The following ZBTB16 variants were observed in gnomAD, a reference collection of about 807,000 sequenced individuals.
The protein encoded by ZBTB16 is zinc finger and BTB domain-containing protein 16.
ZBTB16 carries 8 observed loss-of-function variants against 56.8 expected under a neutral mutation model. That is an observed-to-expected ratio of 0.14 (90% confidence interval 0.08 to 0.25). The LOEUF (loss-of-function observed/expected upper bound fraction) is 0.25. Among genes scored for constraint, ZBTB16 ranks in the 10% least tolerant of loss-of-function variants. The pLI is 1.00. For missense variants in ZBTB16, 625 were observed against 903.0 expected (o/e 0.69, Z 3.95); for synonymous variants, 363 against 368.5 (o/e 0.98, Z 0.17).
Position 114,255,527 on chromosome 11 carries a change from C to G in ZBTB16, c.*4972C>G, listed in dbSNP as rs562500347. 2.2e-3 allele frequency among the ~76,000 whole-genome samples: 330 copies of G among 149,870 alleles called. No homozygotes were observed. The highest frequency in any genetic ancestry group is 3.7e-3 in the Non-Finnish European group (249 of 67,574). Reference sequence around the variant, plus strand: ...CATTTCTGTCCACTCCATTCTCTCTCCCTCTCTCCTGCCTCCTGCTGCCCC... The same window carrying G: ...CATTTCTGTCCACTCCATTCTCTCTGCCTCTCTCCTGCCTCCTGCTGCCCC... On this transcript the variant is annotated 3_prime_UTR_variant, in exon 7 of 7. Coordinates refer to ENST00000335953, the MANE Select transcript of ZBTB16 (RefSeq NM_006006.6).
chr11:114,125,576 C>T lies in ZBTB16; in HGVS notation c.1269-30761C>T, dbSNP rs367898000. ...CTTGTAGGACTTTTTTTTTTTTCAT[C>T]GAGCCTGCAGAAGGGGCCTGTCTTG... On this transcript the variant is annotated intron_variant, in intron 2 of 6. Coordinates refer to ENST00000335953, the MANE Select transcript of ZBTB16 (RefSeq NM_006006.6). 2.2e-3 allele frequency among the ~76,000 whole-genome samples: 324 copies of T among 148,822 alleles called. 2 individuals carry two copies. The highest frequency in any genetic ancestry group is 7.6e-3 in the African/African-American group (308 of 40,382).
chr11:114,124,748 C>T (rs908475906), intron 2 of ZBTB16, among the ~76,000 whole-genome samples: 5 of 152,162 alleles, frequency 3.3e-5, no homozygotes, highest in Non-Finnish European at 5.9e-5. Flanking sequence ...AAAATCTCTC[C>T]GTTCTAATGA....
intron 4 of ZBTB16, among the ~76,000 whole-genome samples, chr11:114,195,921 C>A (rs567214772): frequency 9.2e-5 from 14 of 152,170 alleles, no homozygotes; most frequent in Non-Finnish European, 1.6e-4. Context: ...GGATCCCTGA[C>A]TATGTCCTCC....
intron 2 of ZBTB16, among the ~76,000 whole-genome samples, chr11:114,066,309 A>T (rs1939115794): frequency 6.6e-6 from 1 of 152,058 alleles, no homozygotes; most frequent in African/African-American, 2.4e-5. Flanking sequence ...AACGTAGCCG[A>T]CTTTTTCCAG....
intron 2 of ZBTB16, among the ~76,000 whole-genome samples, chr11:114,095,235 C>CT (rs1940339182): frequency 1.3e-5 from 1 of 76,894 alleles, no homozygotes; most frequent in African/African-American, 5.9e-5. Flanking sequence ...AATTTCTTTT[C>CT]TTTTCTTTTC....
chr11:114,087,128 C>T (rs1005495459), intron 2 of ZBTB16, among the ~76,000 whole-genome samples: 54 of 152,308 alleles, frequency 3.5e-4, no homozygotes, highest in Non-Finnish European at 4.0e-4. Flanking sequence ...GTTTCATCAT[C>T]TGCAAAATGC....
intron 2 of ZBTB16, among the ~76,000 whole-genome samples, chr11:114,140,324 C>A (rs1215220383): frequency 1.3e-5 from 2 of 152,216 alleles, no homozygotes; most frequent in Non-Finnish European, 2.9e-5. Flanking sequence ...CAGGACCTGA[C>A]GTGCACATGT....
intron 3 of ZBTB16, among the ~76,000 whole-genome samples, chr11:114,175,483 G>A (rs961428763): frequency 6.6e-6 from 1 of 151,198 alleles, no homozygotes; most frequent in Non-Finnish European, 1.5e-5. Flanking sequence ...TGGAGACAGA[G>A]TCTCTTTCTG....
At chr11:114,183,872 T>TGA in intron 3 of ZBTB16, among the ~76,000 whole-genome samples, 1 of 152,228 alleles carries the variant, frequency 6.6e-6, no homozygotes, top group African/African-American at 2.4e-5. Flanking sequence ...TGAACACATG[T>TGA]CATGACTGCT....
At chr11:114,242,119 C>A (rs1009867098) in intron 4 of ZBTB16, 48 bp from the exon 5 acceptor site, 1 of 1,609,816 alleles carries the variant, frequency 6.2e-7, no homozygotes, top group Admixed American at 1.7e-5. Context: ...AAAGAATGCA[C>A]CTTGTATTCC....
chr11:114,172,184 T>G (rs570615898), intron 3 of ZBTB16, among the ~76,000 whole-genome samples: 1 of 152,338 alleles, frequency 6.6e-6, no homozygotes, highest in Admixed American at 6.5e-5. Context: ...TCCAAGAATG[T>G]CCTGCGACCG....
rs186575954 is a variant in ZBTB16, at chr11:114,155,627, A to G, written c.1269-710A>G. Among the ~76,000 whole-genome samples, 31 of 152,276 alleles carry G rather than the reference A, an allele frequency of 2.0e-4. No homozygotes were observed. In the East Asian group the frequency reaches 6.0e-3, roughly 29 times the overall value. On this transcript the variant is annotated intron_variant, in intron 2 of 6. Transcript: ENST00000335953. ...TGTGTATGAAGAGCTGCAGATGACTATGACCACCCTACATTTATAGAATGA... is the reference window on the plus strand; with the variant it reads ...TGTGTATGAAGAGCTGCAGATGACTGTGACCACCCTACATTTATAGAATGA...
At chr11:114,073,732 A>C (rs1237954060) in intron 2 of ZBTB16, among the ~76,000 whole-genome samples, 1 of 152,212 alleles carries the variant, frequency 6.6e-6, no homozygotes, top group African/African-American at 2.4e-5. Flanking sequence ...TTACTGAGAA[A>C]GTTGTTAGAA....
intron 2 of ZBTB16, among the ~76,000 whole-genome samples, chr11:114,147,245 G>A (rs959163984): frequency 6.6e-6 from 1 of 152,270 alleles, no homozygotes; most frequent in East Asian, 1.9e-4. Context: ...AGTTTCCATG[G>A]CTGGTCCATG....
At chr11:114,235,660 TTC>T (rs1238000812) in intron 4 of ZBTB16, among the ~76,000 whole-genome samples, 3 of 23,914 alleles carry the variant, frequency 1.3e-4, no homozygotes, top group Middle Eastern at 0.018. Context: ...CTTTCTTTCT[TTC>T]TTTCTTTCTT....
chr11:114,087,531 G>C (rs552539932), intron 2 of ZBTB16, among the ~76,000 whole-genome samples: 21 of 152,172 alleles, frequency 1.4e-4, no homozygotes, highest in African/African-American at 5.1e-4. Flanking sequence ...ATCATCTGTG[G>C]CTCCTGTCTT....
chr11:114,139,175 C>G (rs548089214), intron 2 of ZBTB16, among the ~76,000 whole-genome samples: 40 of 152,322 alleles, frequency 2.6e-4, no homozygotes, highest in African/African-American at 9.4e-4. Flanking sequence ...AGAGGAATTG[C>G]TGGAGCATGG....
rs569729051 is a variant in ZBTB16 at position 114,081,381 on chromosome 11, G to C, written c.1268+16813G>C. Among the ~76,000 whole-genome samples, 30 of 151,292 alleles carry C rather than the reference G, an allele frequency of 2.0e-4. 1 individual carries two copies. In the South Asian group the frequency reaches 6.1e-3, roughly 31 times the overall value. On this transcript the variant is annotated intron_variant, in intron 2 of 6. Transcript: ENST00000335953. ...AAGACATGGGACTTTTCCTTGAAGA[G>C]CTTATACTTTGAGTTAAAATATGTA...
At chr11:114,190,793 A>ACT (rs1480901553) in intron 4 of ZBTB16, among the ~76,000 whole-genome samples, 2 of 152,154 alleles carry the variant, frequency 1.3e-5, no homozygotes, top group African/African-American at 4.8e-5. Flanking sequence ...ATACACACAC[A>ACT]AACAGAGTGA....
Sources: gnomAD v4.1 joint callset for allele counts (sites outside exome capture counted in the v4.1 genomes callset) on GRCh38, gnomAD v4.1.1 for gene constraint, MANE v1.5 for transcripts, NCBI Gene and HGNC (gene_info 2026-07-23, HGNC 2026-07-21) for gene names.